Variants in YY1 observed in about 807,000 individuals in gnomAD.
YY1 encodes the protein YY1 transcription factor.
In YY1, 2 loss-of-function variants were observed where a neutral mutation model predicts 35.6. That is an observed-to-expected ratio of 0.06 (90% CI 0.02 to 0.18). The LOEUF is 0.18. Among genes scored for constraint, YY1 ranks in the 10% least tolerant of loss-of-function variants. YY1 has a pLI of 1.00. For missense variants in YY1, 322 were observed against 573.4 expected (o/e 0.56, Z 4.48); for synonymous variants, 268 against 238.9 (o/e 1.12, Z -1.12).
intron 1 of YY1, among the ~76,000 whole-genome samples, chr14:100,251,632 A>T (rs1380638716): frequency 2.0e-5 from 3 of 152,104 alleles, no homozygotes; most frequent in African/African-American, 7.3e-5. Flanking sequence ...AGAGGGGGGA[A>T]GTGGAATAAA....
At position 100,259,999 on chromosome 14, in the gene YY1, G is replaced by T. The variant is rs951122879; in HGVS notation, c.680-2305G>T. On this transcript the variant is annotated intron_variant, in intron 1 of 4. Coordinates refer to ENST00000262238, the MANE Select transcript of YY1 (RefSeq NM_003403.5). ...GAAAATAATTGTGAAAATCAATTAA[G>T]AAACTACTACAGTCATTTAGGTTTG... Among the ~76,000 whole-genome samples, 9 of 151,824 alleles carry T rather than the reference G, an allele frequency of 5.9e-5. 1 individual carries two copies. Among genetic ancestry groups the T allele is most frequent in the African/African-American group, 2.2e-4 (9 of 41,110 alleles).
intron 1 of YY1, among the ~76,000 whole-genome samples, chr14:100,261,498 A>G (rs1891086121): frequency 6.6e-6 from 1 of 152,150 alleles, no homozygotes; most frequent in Non-Finnish European, 1.5e-5. Flanking sequence ...CCGAACATAT[A>G]TTTGTTGAGG....
chr14:100,256,863 A>ATT lies in YY1; in HGVS notation c.680-5428_680-5427dup, dbSNP rs34518022. ...TTATGGTAATGTATATTTTACCACA[A>ATT]TTTTTTTTTTTTTTACGAAAACCGT... On this transcript the variant is annotated intron_variant, in intron 1 of 4. Transcript: ENST00000262238. Among the ~76,000 whole-genome samples, 368 of 147,450 alleles carry ATT rather than the reference A, an allele frequency of 2.5e-3. 1 individual carries two copies. Among genetic ancestry groups the ATT allele is most frequent in the East Asian group, 6.9e-3 (35 of 5,070 alleles).
In YY1 at chr14:100,255,425, C is replaced by A. The variant is rs553180077; in HGVS notation, c.680-6879C>A. ...CCTGAGATCAGGAGTTAGAGACCAGCCTGGCCAACATGGTGAAACCCCATC... is the reference window on the plus strand; with the variant it reads ...CCTGAGATCAGGAGTTAGAGACCAGACTGGCCAACATGGTGAAACCCCATC... On this transcript the variant is annotated intron_variant, in intron 1 of 4. Coordinates refer to ENST00000262238, the MANE Select transcript of YY1 (RefSeq NM_003403.5). Among the ~76,000 whole-genome samples the A allele has an allele frequency of 1.1e-3, 165 of 152,140 alleles. 1 individual carries two copies. The highest frequency in any genetic ancestry group is 9.4e-3 in the Admixed American group (143 of 15,266).
chr14:100,254,402 G>T (rs565570460), intron 1 of YY1, among the ~76,000 whole-genome samples: 1 of 152,154 alleles, frequency 6.6e-6, no homozygotes, highest in African/African-American at 2.4e-5. Context: ...ACAAAAGCCA[G>T]TGTCTTTTGT....
At chr14:100,252,989 G>C (rs992368029) in intron 1 of YY1, among the ~76,000 whole-genome samples, 4 of 152,198 alleles carry the variant, frequency 2.6e-5, no homozygotes, top group African/African-American at 9.7e-5. Context: ...GCTGCATTGA[G>C]CAGTGATAGT....
rs1219238581 is a variant in YY1 at position 100,279,813 on chromosome 14, G to A, written c.*2213G>A. ...GCCCTGGCACTGTCCTCAGGACCCT[G>A]CCCAAGGGCCCACCGCAGAGCACAC... On this transcript the variant is annotated 3_prime_UTR_variant, in exon 5 of 5. Transcript: ENST00000262238. 6.6e-6 allele frequency: 1 copy of A among 152,324 alleles called. No individual in the cohort carries two copies. 9.4% of individuals were successfully genotyped at this position (152,324 alleles called of 1,614,324 possible).
rs60088505 is a variant in YY1, at chr14:100,249,100, A to ATTTTTT, written c.679+9207_679+9212dup. ...TTTGTGATGGACTCTTTCTCGTGTA[A>ATTTTTT]TTTTTTTTTTTTTTTTTTTTTTTTT... On this transcript the variant is annotated intron_variant, in intron 1 of 4. Transcript: ENST00000262238. Among the ~76,000 whole-genome samples, 149 of 46,832 alleles carry ATTTTTT rather than the reference A, an allele frequency of 3.2e-3. 19 individuals carry two copies. The highest frequency in any genetic ancestry group is 4.4e-3 in the African/African-American group (63 of 14,474). The allele number at this position is 46,832 out of a possible 152,430, so 30.7% of individuals were successfully genotyped here.
rs57547470 is a variant in YY1 at position 100,278,133 on chromosome 14, T to TA, written c.*545dup. On this transcript the variant is annotated 3_prime_UTR_variant, in exon 5 of 5. Transcript: ENST00000262238. ...TGCATACTTCAAAAGTATTTTCCTG[T>TA]AAAAAAAAAAAAGTTATATAGGTTT... 0.13 allele frequency: 18,701 copies of TA among 148,964 alleles called. 1,173 individuals are homozygous for TA. The highest frequency in any genetic ancestry group is 0.14 in the Non-Finnish European group (9,548 of 67,400). The allele number at this position is 148,964 out of a possible 1,614,324, so 9.2% of individuals were successfully genotyped here.
rs1475922739 is a variant in YY1, at chr14:100,280,494, C to T, written c.*2894C>T. On this transcript the variant is annotated 3_prime_UTR_variant, in exon 5 of 5. Transcript: ENST00000262238. ...ATACTATTTGTATAAAGAACTGTCA[C>T]CCCAGAGTGACATTTATTTTCCAAG... The T allele has an allele frequency of 1.3e-5, 2 of 152,028 alleles. No individual in the cohort carries two copies. The highest frequency in any genetic ancestry group is 1.9e-4 in the East Asian group (1 of 5,200). The allele number at this position is 152,028 out of a possible 1,614,324, so 9.4% of individuals were successfully genotyped here. A position where few individuals can be genotyped will look rare whatever the true frequency, so the allele number is the denominator to read the frequency against.
chr14:100,262,211 A>G (rs1246678102), intron 1 of YY1, 93 bp from the exon 2 acceptor site: 1 of 1,393,986 alleles, frequency 7.2e-7, no homozygotes, highest in Non-Finnish European at 1.0e-6. Context: ...GTGGCTATAA[A>G]TCACCCCATT....
intron 1 of YY1, among the ~76,000 whole-genome samples, chr14:100,252,253 A>C (rs1307498247): frequency 6.6e-6 from 1 of 152,182 alleles, no homozygotes; most frequent in Non-Finnish European, 1.5e-5. Flanking sequence ...CTACAAACTC[A>C]GTCTTATGCT....
intron 1 of YY1, among the ~76,000 whole-genome samples, chr14:100,253,109 A>G (rs777878820): frequency 3.4e-4 from 52 of 152,236 alleles, no homozygotes; most frequent in Non-Finnish European, 5.0e-4. Flanking sequence ...GTGAAACAAT[A>G]AAAGATCCTG....
rs1891372453 is a variant in YY1 at position 100,279,102 on chromosome 14, C to G, written c.*1502C>G. The G allele has an allele frequency of 6.6e-6, 1 of 152,248 alleles. No individual in the cohort carries two copies. The highest frequency in any genetic ancestry group is 2.1e-4 in the South Asian group (1 of 4,834). 9.4% of individuals were successfully genotyped at this position (152,248 alleles called of 1,614,324 possible). On this transcript the variant is annotated 3_prime_UTR_variant, in exon 5 of 5. Transcript: ENST00000262238. ...AGAAAATTCTGCTCAATGAGTACCT[C>G]TCACATTGTAACCTCTTAAATGTAC...
Position 100,277,739 on chromosome 14 carries a change from G to A in YY1, c.*139G>A. 8.6e-6 allele frequency: 8 copies of A among 929,136 alleles called. No homozygotes were observed. In the South Asian group the frequency reaches 1.3e-4, roughly 15 times the overall value. The allele number at this position is 929,136 out of a possible 1,614,324, so 57.6% of individuals were successfully genotyped here. ...CCTACACACCTAAGGGACATGTTTT[G>A]ATAAAGTAGTAAAAATTAAAAAAAA... On this transcript the variant is annotated 3_prime_UTR_variant, in exon 5 of 5. Coordinates refer to ENST00000262238, the MANE Select transcript of YY1 (RefSeq NM_003403.5). This position sits in a 1 kb window ranked among gnomAD's most constrained non-coding sequence, Gnocchi z 5.6.
At chr14:100,248,605 C>G (rs914230099) in intron 1 of YY1, among the ~76,000 whole-genome samples, 2 of 151,174 alleles carry the variant, frequency 1.3e-5, no homozygotes, top group African/African-American at 2.4e-5. Flanking sequence ...TGGGCTCAAG[C>G]GGTTCTCTGG....
intron 1 of YY1, among the ~76,000 whole-genome samples, chr14:100,247,871 C>A (rs890884953): frequency 6.6e-6 from 1 of 152,164 alleles, no homozygotes; most frequent in Non-Finnish European, 1.5e-5. Flanking sequence ...GTTGGGGTAG[C>A]GGTATCCTTA....
Position 100,239,182 on chromosome 14 carries a change from C to T in YY1, c.-63C>T. The T allele has an allele frequency of 3.8e-6, 5 of 1,331,508 alleles. No individual in the cohort carries two copies. Among genetic ancestry groups the T allele is most frequent in the Non-Finnish European group, 3.8e-6 (4 of 1,048,066 alleles). 82.5% of individuals were successfully genotyped at this position (1,331,508 alleles called of 1,614,324 possible). A position where few individuals can be genotyped will look rare whatever the true frequency, so the allele number is the denominator to read the frequency against. On this transcript the variant is annotated 5_prime_UTR_variant, in exon 1 of 5. Transcript: ENST00000262238. ...CCTTCCCCACGGCCGGCCGCCTCCTCGCCCGCCCGCCCGCAGCCGAGGAGC... is the reference window on the plus strand; with the variant it reads ...CCTTCCCCACGGCCGGCCGCCTCCTTGCCCGCCCGCCCGCAGCCGAGGAGC...
intron 1 of YY1, among the ~76,000 whole-genome samples, chr14:100,241,557 T>C (rs369695818): frequency 3.9e-5 from 6 of 152,198 alleles, no homozygotes; most frequent in African/African-American, 1.2e-4. Context: ...CATAGCAGTT[T>C]GAGTTTAGCA....
Sources: allele counts gnomAD v4.1 joint callset (sites outside exome capture counted in the v4.1 genomes callset), GRCh38; gene constraint gnomAD v4.1.1; non-coding constraint Gnocchi (gnomAD v3.1); transcripts MANE v1.5; gene names NCBI Gene and HGNC (gene_info 2026-07-23, HGNC 2026-07-21).